Variants in TNFRSF13B observed in about 807,000 individuals in gnomAD.
The protein encoded by TNFRSF13B is TNF receptor superfamily member 13B, also known as tumor necrosis factor receptor superfamily member 13B.
In TNFRSF13B, 34 loss-of-function variants were observed where a neutral mutation model predicts 24.0. The ratio of observed to expected loss-of-function variants is 1.41; its 90% confidence interval spans 1.08 to 1.88. The LOEUF (loss-of-function observed/expected upper bound fraction) is 1.88, where lower values mean the gene tolerates loss of function less well. Ranked by LOEUF, TNFRSF13B falls within the 40% of genes most tolerant of loss-of-function variation. The pLI is 0.00. For synonymous variants in TNFRSF13B, 173 were observed against 150.3 expected (o/e 1.15, Z -1.10); for missense variants, 415 against 380.8 (o/e 1.09, Z -0.75).
intron 3 of TNFRSF13B, chr17:16,940,937 G>C: frequency 8.3e-6 from 9 of 1,083,814 alleles, no homozygotes; most frequent in Non-Finnish European, 7.9e-6. Flanking sequence ...ATCCATGGGG[G>C]ACTGGTTCCA....
At chr17:16,968,691 G>T (rs2087722506) in intron 1 of TNFRSF13B, among the ~76,000 whole-genome samples, 1 of 152,178 alleles carries the variant, frequency 6.6e-6, no homozygotes, top group Non-Finnish European at 1.5e-5. Context: ...AGAGAAGATT[G>T]ATCAAAATTG....
chr17:16,952,898 C>T (rs937542752), intron 1 of TNFRSF13B, among the ~76,000 whole-genome samples: 6 of 152,208 alleles, frequency 3.9e-5, no homozygotes, highest in Non-Finnish European at 5.9e-5. Flanking sequence ...CTCTCCCTGC[C>T]ACAGGGTCTT....
chr17:16,940,992 A>T, intron 3 of TNFRSF13B: 1 of 993,178 alleles, frequency 1.0e-6, no homozygotes, highest in Non-Finnish European at 1.2e-6. Flanking sequence ...CAAGTGCCTG[A>T]TACAAGACGG....
At chr17:16,944,072 G>C (rs2087530535) in intron 3 of TNFRSF13B, among the ~76,000 whole-genome samples, 1 of 152,218 alleles carries the variant, frequency 6.6e-6, no homozygotes, top group African/African-American at 2.4e-5. Context: ...CTCTCTTGGT[G>C]AGCATGTGGA....
chr17:16,940,316 A>T lies in TNFRSF13B; in HGVS notation c.631+10T>A. ...CGAGAAGGGCGAGGACCCCAGTTTCATGCACTCACCCTGGGAAGACTTGGC... is the reference window on the plus strand; with the variant it reads ...CGAGAAGGGCGAGGACCCCAGTTTCTTGCACTCACCCTGGGAAGACTTGGC... On this transcript the variant is annotated intron_variant, in intron 4 of 4. Transcript: ENST00000261652. 1 of 1,612,800 alleles carries T rather than the reference A, an allele frequency of 6.2e-7. No homozygotes were observed. The highest frequency in any genetic ancestry group is 2.2e-5 in the East Asian group (1 of 44,886).
At chr17:16,949,235 A>G (rs981729272) in intron 2 of TNFRSF13B, among the ~76,000 whole-genome samples, 1 of 152,074 alleles carries the variant, frequency 6.6e-6, no homozygotes, top group Non-Finnish European at 1.5e-5. Flanking sequence ...CTTATTTTTC[A>G]TTATTATCTT....
At chr17:16,962,534 A>G (rs1213497657) in intron 1 of TNFRSF13B, among the ~76,000 whole-genome samples, 1 of 152,104 alleles carries the variant, frequency 6.6e-6, no homozygotes, top group Non-Finnish European at 1.5e-5. Flanking sequence ...AAAGAAAAAA[A>G]AAAGAAAGGA....
At chr17:16,956,583 T>TA (rs1003987328) in intron 1 of TNFRSF13B, among the ~76,000 whole-genome samples, 5 of 137,814 alleles carry the variant, frequency 3.6e-5, no homozygotes, top group African/African-American at 6.7e-5. Context: ...AAAGAAGTGG[T>TA]AAAAAAAGGA....
chr17:16,948,599 T>G, intron 3 of TNFRSF13B, 139 bp downstream of exon 3: 52 of 1,217,202 alleles, frequency 4.3e-5, no homozygotes, highest in Non-Finnish European at 5.5e-5. Flanking sequence ...TATCCTGGGA[T>G]GATCTCCCTG....
Position 16,972,038 on chromosome 17 carries a change from C to T in TNFRSF13B, c.38G>A (p.Ser13Asn), listed in dbSNP as rs778241634. The change falls in exon 1 of 5, where the codon AGC becomes AAC. Residue 13 changes from serine (S) to asparagine (N), a missense_variant. Physicochemically the swap from Ser to Asn is conservative, Grantham distance 46. Coordinates refer to ENST00000261652, the MANE Select transcript of TNFRSF13B (RefSeq NM_012452.3). Reference sequence around the variant, plus strand: ...ACAGCGCTCCTCCTGGTCCACACGGCTCCGGCCACCTCGCCTGCTCCGGCC... The same window carrying T: ...ACAGCGCTCCTCCTGGTCCACACGGTTCCGGCCACCTCGCCTGCTCCGGCC... The part of the protein sequence containing the change: ...GLGRSRRGGR[S>N]RVDQEERFPQ... 6.2e-7 allele frequency: 1 copy of T among 1,614,142 alleles called. No individual in the cohort carries two copies.
Position 16,943,378 on chromosome 17 carries a change from C to T in TNFRSF13B, c.446-2867G>A, listed in dbSNP as rs528681762. The stretch of plus-strand genomic sequence containing the variant: ...CTGACCTTATTCCCAGAAGGGGTCA[C>T]GGGCACCCCCAGTGTCTGCAGGACA... On this transcript the variant is annotated intron_variant, in intron 3 of 4. Coordinates refer to ENST00000261652, the MANE Select transcript of TNFRSF13B (RefSeq NM_012452.3). Among the ~76,000 whole-genome samples the T allele has an allele frequency of 5.3e-5, 8 of 152,286 alleles. No individual in the cohort carries two copies. The South Asian group carries it at 1.0e-3, about 20-fold the overall frequency.
At chr17:16,943,848 G>C (rs564657700) in intron 3 of TNFRSF13B, among the ~76,000 whole-genome samples, 1 of 152,192 alleles carries the variant, frequency 6.6e-6, no homozygotes, top group Non-Finnish European at 1.5e-5. Context: ...CAGGCTGCCT[G>C]GGCCACCTGT....
intron 4 of TNFRSF13B, 144 bp downstream of exon 4, chr17:16,940,182 G>C (rs1250021066): frequency 6.4e-7 from 1 of 1,556,026 alleles, no homozygotes; most frequent in Non-Finnish European, 8.7e-7. Context: ...GTCTTAACCT[G>C]ATTTTATCAA....
rs1348604020 is a variant in TNFRSF13B at position 16,952,496 on chromosome 17, C to G, written c.149G>C (p.Cys50Ser). The G allele has an allele frequency of 8.7e-6, 14 of 1,614,066 alleles. No homozygotes were observed. The Admixed American group carries it at 2.3e-4, about 27-fold the overall frequency. ...GCTCTGATGGTTGCAAATGGTTTTG[C>G]AGGACATGCAGGTACCCAGCAGAGG... The part of the protein sequence containing the change: ...WDPLLGTCMS[C>S]KTICNHQSQR... The change falls in exon 2 of 5, where the codon TGC becomes TCC. Residue 50 changes from cysteine (C) to serine (S), a missense_variant. Cys to Ser is a moderately radical substitution (Grantham distance 112, BLOSUM62 -1). Coordinates refer to ENST00000261652, the MANE Select transcript of TNFRSF13B (RefSeq NM_012452.3).
chr17:16,946,201 A>G (rs2087546501), intron 3 of TNFRSF13B, among the ~76,000 whole-genome samples: 1 of 152,252 alleles, frequency 6.6e-6, no homozygotes, highest in Non-Finnish European at 1.5e-5. Flanking sequence ...ATCATCAGGC[A>G]CACAGGCCCT....
chr17:16,941,578 C>T (rs2087510394), intron 3 of TNFRSF13B: 3 of 987,476 alleles, frequency 3.0e-6, no homozygotes, highest in South Asian at 9.4e-5. Context: ...CCTTCATCTT[C>T]CCGCTCTGAT....
chr17:16,943,188 A>G (rs1289207393), intron 3 of TNFRSF13B, among the ~76,000 whole-genome samples: 1 of 152,220 alleles, frequency 6.6e-6, no homozygotes, highest in East Asian at 1.9e-4. Flanking sequence ...AGAGCCACGC[A>G]GGGTCACAAC....
intron 1 of TNFRSF13B, among the ~76,000 whole-genome samples, chr17:16,954,527 G>A (rs1220498436): frequency 1.3e-5 from 2 of 152,238 alleles, no homozygotes; most frequent in Non-Finnish European, 2.9e-5. Flanking sequence ...AATGGCAGAG[G>A]TTTCTACAGC....
intron 1 of TNFRSF13B, among the ~76,000 whole-genome samples, chr17:16,961,120 G>GC (rs2087659581): frequency 6.6e-6 from 1 of 152,228 alleles, no homozygotes; most frequent in Admixed American, 6.5e-5. Flanking sequence ...GAGATCTGAA[G>GC]CAAGTGGATG....
Sources: gnomAD v4.1 joint callset for allele counts (sites outside exome capture counted in the v4.1 genomes callset) on GRCh38, gnomAD v4.1.1 for gene constraint, MANE v1.5 for transcripts, NCBI Gene and HGNC (gene_info 2026-07-23, HGNC 2026-07-21) for gene names.